TAFA2: variants seen among roughly 807,000 people sequenced by gnomAD.
The protein encoded by TAFA2 is TAFA chemokine like family member 2, also known as chemokine-like protein TAFA-2.
Under a neutral mutation model 18.8 loss-of-function variants are expected in TAFA2, and 7 were observed. The observed-to-expected ratio is 0.37, with a 90% confidence interval of 0.21 to 0.70. TAFA2 has a LOEUF of 0.70. TAFA2 is among the 30% of genes least tolerant of loss of function. TAFA2 has a pLI of 0.53. For missense variants in TAFA2, 122 were observed against 158.1 expected (o/e 0.77, Z 1.23); for synonymous variants, 60 against 54.2 (o/e 1.11, Z -0.47).
chr12:62,097,805 T>C (rs950215554), intron 1 of TAFA2, among the ~76,000 whole-genome samples: 1 of 152,170 alleles, frequency 6.6e-6, no homozygotes, highest in Non-Finnish European at 1.5e-5. Context: ...TATCCCTCAG[T>C]AGTTTTCTCT....
chr12:61,857,689 C>G (rs566495543), intron 2 of TAFA2, among the ~76,000 whole-genome samples: 5 of 152,288 alleles, frequency 3.3e-5, no homozygotes, highest in Admixed American at 1.3e-4. Flanking sequence ...GTTCTAGGCT[C>G]TTCCTACTCA....
intron 2 of TAFA2, among the ~76,000 whole-genome samples, chr12:61,797,506 G>A (rs11174178): frequency 0.074 from 11,255 of 152,002 alleles, 1,378 homozygotes; most frequent in African/African-American, 0.26. Context: ...GAAATGGTTT[G>A]GAAGAATTAC....
intron 1 of TAFA2, among the ~76,000 whole-genome samples, chr12:62,014,591 C>T (rs937363012): frequency 3.3e-5 from 5 of 152,094 alleles, no homozygotes; most frequent in African/African-American, 1.2e-4. Flanking sequence ...GAGATGGCGC[C>T]ACTGCACTCC....
intron 1 of TAFA2, among the ~76,000 whole-genome samples, chr12:62,107,371 A>C (rs538761422): frequency 6.6e-6 from 1 of 152,314 alleles, no homozygotes; most frequent in East Asian, 1.9e-4. Context: ...ATTCTACCAG[A>C]GTCTTAAGTT....
At chr12:61,865,438 G>A (rs1874313049) in intron 2 of TAFA2, among the ~76,000 whole-genome samples, 1 of 152,174 alleles carries the variant, frequency 6.6e-6, no homozygotes, top group African/African-American at 2.4e-5. Flanking sequence ...AAGGAAGAAA[G>A]ATGGAGGAGG....
chr12:61,781,992 T>C (rs1222754550), intron 2 of TAFA2, among the ~76,000 whole-genome samples: 18 of 151,678 alleles, frequency 1.2e-4, no homozygotes, highest in Admixed American at 1.2e-3. Flanking sequence ...TCCTGTGACT[T>C]CTGATCTCAG....
chr12:62,218,383 A>G (rs2136977116), intron 1 of TAFA2, among the ~76,000 whole-genome samples: 1 of 152,308 alleles, frequency 6.6e-6, no homozygotes, highest in South Asian at 2.1e-4. Context: ...GTGTCTGATG[A>G]ACACATCCCC....
intron 1 of TAFA2, among the ~76,000 whole-genome samples, chr12:61,872,925 T>C (rs1874681386): frequency 6.6e-6 from 1 of 152,186 alleles, no homozygotes; most frequent in Non-Finnish European, 1.5e-5. Flanking sequence ...TAATCTAAAA[T>C]TATTCTATTC....
intron 1 of TAFA2, among the ~76,000 whole-genome samples, chr12:62,129,297 A>T (rs1870589069): frequency 6.6e-6 from 1 of 152,068 alleles, no homozygotes. Flanking sequence ...TTTAAAGGAG[A>T]TTAAAAACTC....
chr12:62,137,323 T>A (rs1870937888), intron 1 of TAFA2, among the ~76,000 whole-genome samples: 1 of 152,168 alleles, frequency 6.6e-6, no homozygotes, highest in African/African-American at 2.4e-5. Context: ...AAGCCCTCTA[T>A]GAGCTGCTTT....
At chr12:61,978,501 A>C (rs1322772193) in intron 1 of TAFA2, among the ~76,000 whole-genome samples, 1 of 152,062 alleles carries the variant, frequency 6.6e-6, no homozygotes, top group Non-Finnish European at 1.5e-5. Flanking sequence ...GAGGATTGAC[A>C]TACACCTACA....
chr12:62,091,731 G>A (rs924807477), intron 1 of TAFA2, among the ~76,000 whole-genome samples: 8 of 151,908 alleles, frequency 5.3e-5, no homozygotes, highest in African/African-American at 4.8e-5. Flanking sequence ...CCAGACCCAC[G>A]ATAGTCATTC....
At chr12:62,147,348 A>ATGTG (rs2062292160) in intron 1 of TAFA2, among the ~76,000 whole-genome samples, 2 of 114,194 alleles carry the variant, frequency 1.8e-5, no homozygotes, top group Non-Finnish European at 2.0e-5. Context: ...ATATATATAT[A>ATGTG]TATATATATA....
chr12:62,235,930 G>T (rs951609055), intron 1 of TAFA2, among the ~76,000 whole-genome samples: 1 of 151,622 alleles, frequency 6.6e-6, no homozygotes, highest in East Asian at 1.9e-4. Flanking sequence ...TCCAAAAAAT[G>T]TCTTATAGAC....
At chr12:61,925,409 A>G (rs1258075771) in intron 1 of TAFA2, among the ~76,000 whole-genome samples, 1 of 152,234 alleles carries the variant, frequency 6.6e-6, no homozygotes, top group Admixed American at 6.5e-5. Flanking sequence ...GTGCAATCAA[A>G]TTAGAACTCA....
chr12:61,731,024 A>G (rs1358052503), intron 4 of TAFA2, among the ~76,000 whole-genome samples: 2 of 152,084 alleles, frequency 1.3e-5, no homozygotes, highest in Non-Finnish European at 2.9e-5. Context: ...GCCCTTCCCC[A>G]ATTCCATTGA....
At chr12:62,104,466 G>C (rs1293185306) in intron 1 of TAFA2, among the ~76,000 whole-genome samples, 1 of 152,096 alleles carries the variant, frequency 6.6e-6, no homozygotes, top group African/African-American at 2.4e-5. Flanking sequence ...TTGTTGAGGA[G>C]AATTAAAAAC....
chr12:61,837,043 GTTT>G (rs938664638), intron 2 of TAFA2, among the ~76,000 whole-genome samples: 5 of 151,304 alleles, frequency 3.3e-5, no homozygotes, highest in African/African-American at 4.8e-5. Flanking sequence ...AATTTAGAAA[GTTT>G]TTTAATTTTC....
chr12:61,818,490 T>C (rs374404847), intron 2 of TAFA2, among the ~76,000 whole-genome samples: 22 of 140,800 alleles, frequency 1.6e-4, no homozygotes, highest in African/African-American at 3.6e-4. Context: ...CTCAAAAAAA[T>C]ACACACACAC....
Sources: gnomAD v4.1 joint callset for allele counts (sites outside exome capture counted in the v4.1 genomes callset) on GRCh38, gnomAD v4.1.1 for gene constraint, MANE v1.5 for transcripts, NCBI Gene and HGNC (gene_info 2026-07-23, HGNC 2026-07-21) for gene names.